Variants in PNPLA6 observed in about 807,000 individuals in gnomAD.
The protein encoded by PNPLA6 is patatin like domain 6, lysophospholipase.
PNPLA6 carries 105 observed loss-of-function variants against 153.7 expected under a neutral mutation model. The ratio of observed to expected loss-of-function variants is 0.68; its 90% CI spans 0.58 to 0.80. PNPLA6 has a LOEUF of 0.80. Ranked by LOEUF, PNPLA6 falls within the 30% of genes least tolerant of loss-of-function variation. PNPLA6 has a pLI of 0.00. For missense variants in PNPLA6, 1,423 were observed against 1,919.3 expected (o/e 0.74, Z 4.83); for synonymous variants, 825 against 822.2 (o/e 1.00, Z -0.06).
intron 19 of PNPLA6, 21 bp from the exon 20 acceptor site, chr19:7,554,188 C>T (rs371209046): frequency 2.2e-5 from 36 of 1,612,354 alleles, no homozygotes; most frequent in Non-Finnish European, 3.1e-5. Context: ...TTCCCAGCCT[C>T]CCTTCCCCAC....
rs772275437 is a variant in PNPLA6 at position 7,549,973 on chromosome 19, G to T, written c.1675G>T (p.Glu559Ter). The change falls in exon 14 of 32, where the codon GAG becomes TAG. Residue 559 changes from glutamate (E) to a stop codon, truncating the protein, a stop_gained. Transcript: ENST00000600737. LOFTEE classifies it high-confidence loss of function. ...GTACCAGCGCATGATCGACAAGGCGGAGGACGTGTGCCTGTTCGTAGCGCA... is the reference window on the plus strand; with the variant it reads ...GTACCAGCGCATGATCGACAAGGCGTAGGACGTGTGCCTGTTCGTAGCGCA... ...HVYQRMIDKAEDVCLFVAQPG... is the reference protein window; with the variant it reads ...HVYQRMIDKA The T allele has an allele frequency of 6.2e-7, 1 of 1,613,956 alleles. No individual in the cohort carries two copies. Among genetic ancestry groups the T allele is most frequent in the Non-Finnish European group, 8.5e-7 (1 of 1,180,036 alleles).
intron 10 of PNPLA6, 72 bp downstream of exon 10, chr19:7,542,139 T>G (rs2023178093): frequency 1.7e-6 from 2 of 1,207,462 alleles, no homozygotes; most frequent in Non-Finnish European, 2.4e-6. Flanking sequence ...CGCCTGCCTG[T>G]CTTGATTGTT....
chr19:7,548,662 A>C (rs1465230610), intron 13 of PNPLA6, among the ~76,000 whole-genome samples: 2 of 151,956 alleles, frequency 1.3e-5, no homozygotes, highest in African/African-American at 4.8e-5. Context: ...TTTTTCCTGA[A>C]TATTTTAGAT....
Position 7,549,958 on chromosome 19 carries a change from A to T in PNPLA6, c.1660A>T (p.Met554Leu). 1 of 1,613,844 alleles carries T rather than the reference A, an allele frequency of 6.2e-7. No homozygotes were observed. Among genetic ancestry groups the T allele is most frequent in the South Asian group, 1.1e-5 (1 of 91,088 alleles). ...LWGCLHVYQR[M>L]IDKAEDVCLF... The stretch of plus-strand genomic sequence containing the variant: ...GGGCTGCCTGCACGTGTACCAGCGC[A>T]TGATCGACAAGGCGGAGGACGTGTG... The change falls in exon 14 of 32, where the codon ATG becomes TTG. Residue 554 changes from methionine to leucine, a missense_variant. Coordinates refer to ENST00000600737, the MANE Select transcript of PNPLA6 (RefSeq NM_001166114.2).
intron 13 of PNPLA6, among the ~76,000 whole-genome samples, chr19:7,543,436 C>T (rs941286431): frequency 1.3e-5 from 2 of 152,366 alleles, no homozygotes; most frequent in Non-Finnish European, 2.9e-5. Flanking sequence ...ATGCTGACCG[C>T]TGCCAGGATA....
chr19:7,536,005 A>G lies in PNPLA6; in HGVS notation c.217A>G (p.Arg73Gly), dbSNP rs781291417. 182 of 1,576,472 alleles carry G rather than the reference A, an allele frequency of 1.2e-4. 1 individual carries two copies. Among genetic ancestry groups the G allele is most frequent in the Non-Finnish European group, 1.5e-4 (169 of 1,162,520 alleles). The change falls in exon 1 of 32, where the codon AGG becomes GGG. Residue 73 changes from arginine (R) to glycine (G), a missense_variant. Around this residue, in one of 10 missense-constraint regions of PNPLA6, gnomAD observed 109 missense variants for 109.4 expected, o/e 1.00. Coordinates refer to ENST00000600737, the MANE Select transcript of PNPLA6 (RefSeq NM_001166114.2). ...CGTGCTCATCCTCCTGGTGGTGCGG[A>G]GGCTGCGAGTGCCAAGTGAGCACCC... ...TAVLILLVVRRLRVPKTPAPD... is the reference protein window; with the variant it reads ...TAVLILLVVRGLRVPKTPAPD...
intron 3 of PNPLA6, among the ~76,000 whole-genome samples, chr19:7,539,333 G>A (rs1278293409): frequency 6.6e-6 from 1 of 151,666 alleles, no homozygotes; most frequent in Non-Finnish European, 1.5e-5. Flanking sequence ...CAAAAAATTA[G>A]CTGGGCGTGG....
chr19:7,558,493 G>C (rs148836693), intron 27 of PNPLA6, among the ~76,000 whole-genome samples: 4 of 152,186 alleles, frequency 2.6e-5, no homozygotes, highest in African/African-American at 9.7e-5. Flanking sequence ...TTAGCTGGGC[G>C]TGGTGGTGTA....
chr19:7,547,839 T>G (rs1168498632), intron 13 of PNPLA6, among the ~76,000 whole-genome samples: 1 of 50,308 alleles, frequency 2.0e-5, no homozygotes, highest in Non-Finnish European at 3.7e-5. Context: ...TTTTTTTTTT[T>G]TTTTGTAGAG....
rs578094377 is a variant in PNPLA6 at position 7,540,892 on chromosome 19, T to A, written c.796-31T>A. On this transcript the variant is annotated intron_variant, in intron 6 of 31. Coordinates refer to ENST00000600737, the MANE Select transcript of PNPLA6 (RefSeq NM_001166114.2). This position sits in a 1 kb window ranked among gnomAD's most constrained non-coding sequence, Gnocchi z 6.8. ...CGAGGGGGACTCGCAGCCTCTGCCC[T>A]TGTCTCTCTTCACGCCCTCCCCTCC... 8.7e-6 allele frequency: 14 copies of A among 1,612,942 alleles called. No homozygotes were observed. The East Asian group carries it at 1.8e-4, about 21-fold the overall frequency.
At chr19:7,560,880 T>C in intron 29 of PNPLA6, 116 bp downstream of exon 29, 1 of 853,764 alleles carries the variant, frequency 1.2e-6, no homozygotes, top group South Asian at 1.4e-5. Flanking sequence ...TTTGCTGAGC[T>C]CTCAGACCTC....
chr19:7,541,620 C>T lies in PNPLA6; in HGVS notation c.1104C>T (p.Asp368=), dbSNP rs1490230776. The change falls in exon 9 of 32, where the codon GAC becomes GAT. Residue 368 remains aspartate, a synonymous_variant. Transcript: ENST00000600737. This position sits in a 1 kb window ranked among gnomAD's most constrained non-coding sequence, Gnocchi z 5.2. ...GAATGGTCAGCACCTCAGCTACAGA[C>T]GAGCCCAGGGAGACCCCAGGGCGGC... ...SKRMVSTSAT[D]EPRETPGRPP... is the part of the protein sequence containing the mutation. 2 of 1,590,530 alleles carry T rather than the reference C, an allele frequency of 1.3e-6. 1 individual carries two copies. The highest frequency in any genetic ancestry group is 2.3e-5 in the South Asian group (2 of 88,114).
Position 7,543,615 on chromosome 19 carries a change from G to A in PNPLA6, c.1608+531G>A, listed in dbSNP as rs752933767. Among the ~76,000 whole-genome samples the A allele has an allele frequency of 3.5e-4, 53 of 152,104 alleles. 1 individual carries two copies. The highest frequency in any genetic ancestry group is 1.5e-4 in the Non-Finnish European group (10 of 68,030). On this transcript the variant is annotated intron_variant, in intron 13 of 31. Transcript: ENST00000600737. ...AAACTGAGGCCCATCAAGGGTTAGT[G>A]ACCCGACTACCAGCTGAAAGTCAGG...
intron 3 of PNPLA6, among the ~76,000 whole-genome samples, chr19:7,538,047 G>A (rs1298289119): frequency 6.6e-6 from 1 of 152,140 alleles, no homozygotes; most frequent in African/African-American, 2.4e-5. Context: ...GCTGTCTGTA[G>A]TGTTTGCACA....
chr19:7,537,316 T>G (rs1044497825), intron 3 of PNPLA6, among the ~76,000 whole-genome samples: 1 of 152,216 alleles, frequency 6.6e-6, no homozygotes. Flanking sequence ...CTCAGGCATC[T>G]CTGTACATCA....
Position 7,561,014 on chromosome 19 carries a change from G to A in PNPLA6, c.3817G>A (p.Val1273Met), listed in dbSNP as rs1164847477. Residue 1273 changes from valine (V) to methionine (M), a missense_variant and splice_region_variant, in exon 30 of 32, where the codon GTG becomes ATG. Physicochemically the swap from Val to Met is conservative, Grantham distance 21. Coordinates refer to ENST00000600737, the MANE Select transcript of PNPLA6 (RefSeq NM_001166114.2). ...TDLNESRRAD[V>M]LAFPSSGFTD... Reference sequence around the variant, plus strand: ...GAGCCTCACCAGTGTCACCCCACAGGTGCTTGCCTTCCCAAGCTCTGGCTT... The same window carrying A: ...GAGCCTCACCAGTGTCACCCCACAGATGCTTGCCTTCCCAAGCTCTGGCTT... The A allele has an allele frequency of 2.5e-6, 4 of 1,608,816 alleles. No individual in the cohort carries two copies. Among genetic ancestry groups the A allele is most frequent in the Non-Finnish European group, 1.7e-6 (2 of 1,177,428 alleles).
At chr19:7,538,242 C>A (rs1200488742) in intron 3 of PNPLA6, among the ~76,000 whole-genome samples, 8 of 152,124 alleles carry the variant, frequency 5.3e-5, no homozygotes, top group African/African-American at 1.9e-4. Context: ...TGCAGTGGCA[C>A]AATCACAGCT....
rs1475199795 is a variant in PNPLA6, at chr19:7,550,643, G to A, written c.2070+3G>A. On this transcript the variant is annotated splice_donor_region_variant and intron_variant, in intron 16 of 31. Transcript: ENST00000600737. ...GCCGCGGCGACCTCATCGGCGTGGTGAGCGCGACCCCCACCCACTGACCTC... is the reference window on the plus strand; with the variant it reads ...GCCGCGGCGACCTCATCGGCGTGGTAAGCGCGACCCCCACCCACTGACCTC... 1 of 1,610,290 alleles carries A rather than the reference G, an allele frequency of 6.2e-7. No homozygotes were observed. Among genetic ancestry groups the A allele is most frequent in the South Asian group, 1.1e-5 (1 of 90,816 alleles).
rs1160348643 is a variant in PNPLA6 at position 7,540,424 on chromosome 19, G to A, written c.714+116G>A. On this transcript the variant is annotated intron_variant, in intron 5 of 31. Transcript: ENST00000600737. The surrounding 1 kb of genome is among the most constrained non-coding windows in gnomAD (Gnocchi z 6.8). ...ATGCGTCATCGGGAGTCAGGGGAAC[G>A]GGTGACCGAGGACATTTGGGGTAGT... 7.8e-5 allele frequency: 95 copies of A among 1,216,342 alleles called. No homozygotes were observed. In the East Asian group the frequency reaches 1.8e-3, roughly 22 times the overall value. The allele number at this position is 1,216,342 out of a possible 1,614,324, so 75.3% of individuals were successfully genotyped here.
Sources: allele counts gnomAD v4.1 joint callset (sites outside exome capture counted in the v4.1 genomes callset), GRCh38; gene constraint gnomAD v4.1.1; regional missense constraint gnomAD v4.1.1; non-coding constraint Gnocchi (gnomAD v3.1); transcripts MANE v1.5; gene names NCBI Gene and HGNC (gene_info 2026-07-23, HGNC 2026-07-21).